Variants in ZBBX observed in about 807,000 individuals in gnomAD.
ZBBX encodes the protein zinc finger B-box domain containing.
A neutral mutation model predicts 108.5 loss-of-function variants in ZBBX; 101 were observed. The ratio of observed to expected loss-of-function variants is 0.93; its 90% CI spans 0.79 to 1.10. The LOEUF (loss-of-function observed/expected upper bound fraction) is 1.10. Among genes scored for constraint, ZBBX ranks in the 50% least tolerant of loss-of-function variants. The pLI, the probability that ZBBX is intolerant of heterozygous loss-of-function variation, is 0.00. For missense variants in ZBBX, 1,009 were observed against 941.4 expected, an observed-to-expected ratio of 1.07 and a Z score of -0.94; for synonymous variants, 356 against 323.4, an observed-to-expected ratio of 1.10 and a Z score of -1.08.
chr3:167,360,691 C>T lies in ZBBX; in HGVS notation c.306G>A (p.Leu102=). ...FSAGKVKLKL[L]KEQIQEPVKP... ...ATTATTTACCTTGAATCTGTTCCTT[C>T]AGCAATTTTAATTTCACTTTTCCAG... The change falls in exon 7 of 22, where the codon CTG becomes CTA. Residue 102 remains leucine (L), a synonymous_variant. Transcript: ENST00000675490. The T allele has an allele frequency of 7.2e-7, 1 of 1,383,652 alleles. No individual in the cohort carries two copies. Among genetic ancestry groups the T allele is most frequent in the South Asian group, 1.9e-5 (1 of 51,716 alleles). 85.7% of individuals were successfully genotyped at this position (1,383,652 alleles called of 1,614,324 possible).
intron 18 of ZBBX, among the ~76,000 whole-genome samples, chr3:167,291,119 T>A (rs960595639): frequency 6.6e-6 from 1 of 152,086 alleles, no homozygotes. Context: ...TGGAACCAAG[T>A]TGGGAAACAC....
At chr3:167,263,226 G>A (rs938403256) in intron 20 of ZBBX, among the ~76,000 whole-genome samples, 4 of 151,592 alleles carry the variant, frequency 2.6e-5, no homozygotes, top group African/African-American at 4.8e-5. Flanking sequence ...TAGTAGAGAC[G>A]GGGTTTCACC....
chr3:167,274,114 C>G (rs376240991), intron 20 of ZBBX, among the ~76,000 whole-genome samples: 36 of 152,248 alleles, frequency 2.4e-4, no homozygotes, highest in African/African-American at 8.2e-4. Context: ...AATGTTGTAC[C>G]TTTATCCCAA....
intron 9 of ZBBX, among the ~76,000 whole-genome samples, chr3:167,349,146 A>G (rs1742214300): frequency 1.3e-5 from 2 of 152,110 alleles, no homozygotes; most frequent in Admixed American, 1.3e-4. Flanking sequence ...TGTATCTCCT[A>G]CAACAGCTAG....
intron 20 of ZBBX, among the ~76,000 whole-genome samples, chr3:167,258,657 A>G (rs545434386): frequency 6.6e-5 from 10 of 152,104 alleles, no homozygotes; most frequent in African/African-American, 2.4e-4. Flanking sequence ...TTGTTTGCTG[A>G]TTTTGCCGAG....
At chr3:167,180,707 C>T in the ZBBX span, among the ~76,000 whole-genome samples, 1 of 152,190 alleles carries the variant, frequency 6.6e-6, no homozygotes, top group Non-Finnish European at 1.5e-5. Context: ...AAATGCTTAG[C>T]AGGCTGCAGG....
At chr3:167,272,731 G>A (rs552915196) in intron 20 of ZBBX, among the ~76,000 whole-genome samples, 1 of 152,286 alleles carries the variant, frequency 6.6e-6, no homozygotes, top group African/African-American at 2.4e-5. Context: ...CTCAGCCTCA[G>A]AAAAGTATCT....
intron 9 of ZBBX, among the ~76,000 whole-genome samples, chr3:167,345,084 A>G (rs1257167140): frequency 6.6e-6 from 1 of 151,914 alleles, no homozygotes; most frequent in African/African-American, 2.4e-5. Context: ...AAATTCAGAG[A>G]AAAATAAATT....
the ZBBX span, among the ~76,000 whole-genome samples, chr3:167,192,617 AT>A: frequency 1.3e-5 from 2 of 151,968 alleles, no homozygotes; most frequent in South Asian, 2.1e-4. Context: ...TTAGATTTGC[AT>A]TTTTGAGGTC....
chr3:167,285,110 T>A (rs1410201683), intron 19 of ZBBX, among the ~76,000 whole-genome samples: 2 of 152,118 alleles, frequency 1.3e-5, no homozygotes, highest in Admixed American at 1.3e-4. Flanking sequence ...TAAATTTTCC[T>A]TGGTGTTAAC....
intron 6 of ZBBX, among the ~76,000 whole-genome samples, chr3:167,364,612 C>T (rs2108561288): frequency 6.6e-6 from 1 of 151,856 alleles, no homozygotes; most frequent in Non-Finnish European, 1.5e-5. Flanking sequence ...TAATAACATC[C>T]TCTTAGGAGT....
intron 1 of ZBBX, among the ~76,000 whole-genome samples, chr3:167,388,193 G>C (rs1747977267): frequency 6.6e-6 from 1 of 151,916 alleles, no homozygotes; most frequent in African/African-American, 2.4e-5. Context: ...TGAGGAGCAA[G>C]CCATGCAAAA....
chr3:167,204,964 G>A, the ZBBX span, among the ~76,000 whole-genome samples: 1 of 151,874 alleles, frequency 6.6e-6, no homozygotes, highest in South Asian at 2.1e-4. Flanking sequence ...GATAAATTTG[G>A]TTCTTACTAT....
the ZBBX span, among the ~76,000 whole-genome samples, chr3:167,229,147 C>T: frequency 1.3e-5 from 2 of 151,740 alleles, no homozygotes; most frequent in Admixed American, 1.3e-4. Context: ...CATCAATGAA[C>T]TTATTAATGA....
rs1743840264 is a variant in ZBBX at position 167,357,847 on chromosome 3, T to TA, written c.432+2022dup. Among the ~76,000 whole-genome samples, 11 of 152,120 alleles carry TA rather than the reference T, an allele frequency of 7.2e-5. 1 individual carries two copies. In the South Asian group the frequency reaches 2.3e-3, roughly 32 times the overall value. ...TACACCATGGAATACTATGCAGCCA[T>TA]AAAAAATGATGAGTTCATGTCCTTT... On this transcript the variant is annotated intron_variant, in intron 8 of 21. Coordinates refer to ENST00000675490, the MANE Select transcript of ZBBX (RefSeq NM_001199201.2).
chr3:167,345,796 G>A (rs947341895), intron 9 of ZBBX, among the ~76,000 whole-genome samples: 6 of 151,724 alleles, frequency 4.0e-5, no homozygotes, highest in South Asian at 2.1e-4. Flanking sequence ...GAGGCATCAC[G>A]CTACCTGACT....
the ZBBX span, among the ~76,000 whole-genome samples, chr3:167,233,228 T>C: frequency 2.0e-5 from 3 of 151,836 alleles, no homozygotes; most frequent in African/African-American, 4.8e-5. Context: ...CTGGCAACAA[T>C]TGTTTGGAAC....
chr3:167,310,064 G>T lies in ZBBX; in HGVS notation c.1417+3910C>A, dbSNP rs139836548. Among the ~76,000 whole-genome samples the T allele has an allele frequency of 2.3e-3, 357 of 152,296 alleles. 2 individuals carry two copies. Among genetic ancestry groups the T allele is most frequent in the African/African-American group, 7.2e-3 (299 of 41,570 alleles). On this transcript the variant is annotated intron_variant, in intron 16 of 21. Transcript: ENST00000675490. ...TTAGAAATTCCTTCTGCCAGATGCTGTAAATCATCTCTCTGAAGTTCAAAT... is the reference window on the plus strand; with the variant it reads ...TTAGAAATTCCTTCTGCCAGATGCTTTAAATCATCTCTCTGAAGTTCAAAT...
intron 8 of ZBBX, among the ~76,000 whole-genome samples, chr3:167,358,009 C>T (rs1195390261): frequency 1.3e-5 from 2 of 152,026 alleles, no homozygotes; most frequent in African/African-American, 2.4e-5. Context: ...GGGAACATCA[C>T]ACTCTGGGGA....
Sources: gnomAD v4.1 joint callset for allele counts (sites outside exome capture counted in the v4.1 genomes callset) on GRCh38, gnomAD v4.1.1 for gene constraint, MANE v1.5 for transcripts, NCBI Gene and HGNC (gene_info 2026-07-23, HGNC 2026-07-21) for gene names.